LRRC3B: variants seen among roughly 807,000 people sequenced by gnomAD.
LRRC3B encodes leucine rich repeat containing 3B.
Under a neutral mutation model 12.8 loss-of-function variants are expected in LRRC3B, and 2 were observed. The ratio of observed to expected loss-of-function variants is 0.16; its 90% CI spans 0.06 to 0.49. LRRC3B has a LOEUF of 0.49. LRRC3B is among the 20% of genes least tolerant of loss of function. LRRC3B has a pLI of 0.96. For missense variants in LRRC3B, 189 were observed against 319.4 expected (o/e 0.59, Z 3.11); for synonymous variants, 132 against 122.0 (o/e 1.08, Z -0.54).
At chr3:26,670,968 C>T (rs190346879) in intron 1 of LRRC3B, among the ~76,000 whole-genome samples, 32 of 149,406 alleles carry the variant, frequency 2.1e-4, no homozygotes, top group African/African-American at 6.9e-4. Context: ...TAATACTATA[C>T]TCAGTATTGG....
chr3:26,663,906 G>A (rs922486315), intron 1 of LRRC3B, among the ~76,000 whole-genome samples: 1 of 152,030 alleles, frequency 6.6e-6, no homozygotes, highest in African/African-American at 2.4e-5. Flanking sequence ...TAGCCTTTGA[G>A]TTGGTCTTCC....
At chr3:26,636,866 CT>C (rs1488748578) in intron 1 of LRRC3B, among the ~76,000 whole-genome samples, 7 of 103,828 alleles carry the variant, frequency 6.7e-5, no homozygotes, top group African/African-American at 3.2e-4. Flanking sequence ...CCCTCCCTCC[CT>C]TCCTTCCTTC....
intron 1 of LRRC3B, among the ~76,000 whole-genome samples, chr3:26,628,875 T>C (rs1042804977): frequency 7.0e-6 from 1 of 142,258 alleles, no homozygotes; most frequent in Non-Finnish European, 1.5e-5. Context: ...CCTCCACAAA[T>C]AAAAACAGAT....
intron 1 of LRRC3B, among the ~76,000 whole-genome samples, chr3:26,686,072 ATTT>A (rs1417458524): frequency 2.0e-5 from 3 of 151,520 alleles, no homozygotes; most frequent in Non-Finnish European, 4.4e-5. Flanking sequence ...GTAAATGGTT[ATTT>A]ATTTTCCTTT....
intron 1 of LRRC3B, among the ~76,000 whole-genome samples, chr3:26,636,545 G>A (rs954719973): frequency 5.3e-5 from 8 of 152,066 alleles, no homozygotes; most frequent in South Asian, 2.1e-4. Context: ...AACAGTTGGC[G>A]TGCCAGTTGT....
chr3:26,644,009 G>A (rs538158434), intron 1 of LRRC3B, among the ~76,000 whole-genome samples: 11 of 152,236 alleles, frequency 7.2e-5, no homozygotes, highest in South Asian at 2.1e-4. Flanking sequence ...ATACCACTGC[G>A]GTGTGAAAGG....
At chr3:26,639,831 C>A (rs1477768265) in intron 1 of LRRC3B, among the ~76,000 whole-genome samples, 1 of 152,160 alleles carries the variant, frequency 6.6e-6, no homozygotes, top group Non-Finnish European at 1.5e-5. Context: ...TCCCCACCTT[C>A]TCTTTAGAAT....
intron 1 of LRRC3B, among the ~76,000 whole-genome samples, chr3:26,680,244 C>T (rs1281248547): frequency 5.9e-5 from 9 of 152,298 alleles, no homozygotes; most frequent in Middle Eastern, 6.8e-3. Flanking sequence ...TCTCCACCCC[C>T]ACTTCCCAGT....
At chr3:26,650,913 A>G (rs1699251889) in intron 1 of LRRC3B, among the ~76,000 whole-genome samples, 1 of 152,156 alleles carries the variant, frequency 6.6e-6, no homozygotes, top group African/African-American at 2.4e-5. Flanking sequence ...GTATTCCTGT[A>G]TCTAAACAGT....
chr3:26,695,432 CAGG>C (rs569086513), intron 1 of LRRC3B, among the ~76,000 whole-genome samples: 27 of 152,190 alleles, frequency 1.8e-4, no homozygotes, highest in African/African-American at 5.3e-4. Flanking sequence ...GAGGCCGAGG[CAGG>C]AGAATGGCGT....
At chr3:26,708,528 G>A (rs1236479941) in intron 1 of LRRC3B, among the ~76,000 whole-genome samples, 4 of 152,010 alleles carry the variant, frequency 2.6e-5, no homozygotes, top group Admixed American at 2.0e-4. Context: ...TCATCTCTCT[G>A]GGATCCACTT....
chr3:26,701,342 G>A (rs1700449172), intron 1 of LRRC3B: 1 of 151,972 alleles, frequency 6.6e-6, no homozygotes, highest in East Asian at 1.9e-4. Flanking sequence ...GAATTAATAG[G>A]ATGAGAGGAT....
rs374532065 is a variant in LRRC3B at position 26,639,311 on chromosome 3, G to C, written c.-161+16074G>C. ...TTACAGACTAAGTCTTTGAGATCTG[G>C]TGTTATATTTTATACTTACACCATG... is the stretch of plus-strand genomic sequence containing the variant. On this transcript the variant is annotated intron_variant, in intron 1 of 1. Transcript: ENST00000396641. 2.6e-5 allele frequency among the ~76,000 whole-genome samples: 4 copies of C among 151,592 alleles called. No homozygotes were observed. In the East Asian group the frequency reaches 7.8e-4, roughly 29 times the overall value.
intron 1 of LRRC3B, among the ~76,000 whole-genome samples, chr3:26,671,400 A>AGAGAGAGAGAGAGAGAGAGAGAGG (rs1205520032): frequency 1.6e-5 from 2 of 126,970 alleles, no homozygotes; most frequent in African/African-American, 3.1e-5. Flanking sequence ...AGAGAGAGAG[A>AGAGAGAGAGAGAGAGAGAGAGAGG]GAGAGAGAGA....
chr3:26,636,841 C>T (rs1350239494), intron 1 of LRRC3B, among the ~76,000 whole-genome samples: 3 of 84,448 alleles, frequency 3.6e-5, no homozygotes, highest in Non-Finnish European at 6.5e-5. Flanking sequence ...TCCCTCCCTG[C>T]CTCCCTCCCT....
At chr3:26,636,839 TGCCTCCCTC>T (rs1698887196) in intron 1 of LRRC3B, among the ~76,000 whole-genome samples, 1 of 54,908 alleles carries the variant, frequency 1.8e-5, no homozygotes, top group Non-Finnish European at 3.2e-5. Flanking sequence ...CCTCCCTCCC[TGCCTCCCTC>T]CCTCCCTCCC....
At chr3:26,634,332 C>T (rs1698820088) in intron 1 of LRRC3B, among the ~76,000 whole-genome samples, 1 of 152,230 alleles carries the variant, frequency 6.6e-6, no homozygotes, top group Admixed American at 6.5e-5. Flanking sequence ...GCCATACACT[C>T]AGTACCGCCC....
intron 1 of LRRC3B, among the ~76,000 whole-genome samples, chr3:26,658,203 A>C (rs1165248164): frequency 6.6e-6 from 1 of 152,098 alleles, no homozygotes; most frequent in Non-Finnish European, 1.5e-5. Context: ...CAGTCTCCCG[A>C]GTAGCCACCA....
At chr3:26,623,202 G>A (rs1295994528) in exon 1 of LRRC3B, 1 of 152,512 alleles carries the variant, frequency 6.6e-6, no homozygotes, top group Non-Finnish European at 1.5e-5. Flanking sequence ...GAGCCACGAG[G>A]ATGGAGCAGC....
Sources: gnomAD v4.1 joint callset for allele counts (sites outside exome capture counted in the v4.1 genomes callset) on GRCh38, gnomAD v4.1.1 for gene constraint, MANE v1.5 for transcripts, NCBI Gene and HGNC (gene_info 2026-07-23, HGNC 2026-07-21) for gene names.